Variants in CALN1 observed in about 807,000 individuals in gnomAD.
CALN1 encodes calcium-binding protein 8.
CALN1 carries 17 observed loss-of-function variants against 30.6 expected under a neutral mutation model. The ratio of observed to expected loss-of-function variants is 0.56; its 90% CI spans 0.38 to 0.83. The LOEUF is 0.83. Among genes scored for constraint, CALN1 ranks in the 40% least tolerant of loss-of-function variants. The pLI is 0.00. For missense variants in CALN1, 291 were observed against 354.9 expected, an observed-to-expected ratio of 0.82 and a Z score of 1.45; for synonymous variants, 156 against 131.4, an observed-to-expected ratio of 1.19 and a Z score of -1.28.
At chr7:72,126,334 T>C (rs1808763655) in intron 3 of CALN1, among the ~76,000 whole-genome samples, 1 of 152,208 alleles carries the variant, frequency 6.6e-6, no homozygotes. Flanking sequence ...TTAGGTTGGT[T>C]CCATAATTTT....
At chr7:72,420,252 C>G (rs1807562414) in intron 1 of CALN1, among the ~76,000 whole-genome samples, 1 of 152,094 alleles carries the variant, frequency 6.6e-6, no homozygotes, top group Non-Finnish European at 1.5e-5. Flanking sequence ...CAGAGGTAGC[C>G]AGACTCATAA....
intron 5 of CALN1, among the ~76,000 whole-genome samples, chr7:71,945,108 C>T (rs1171093915): frequency 6.6e-6 from 1 of 152,132 alleles, no homozygotes; most frequent in African/African-American, 2.4e-5. Flanking sequence ...CAAAGGAGAG[C>T]TGGCTGTTTA....
intron 3 of CALN1, among the ~76,000 whole-genome samples, chr7:72,191,177 C>G (rs1347940535): frequency 1.3e-5 from 2 of 152,112 alleles, no homozygotes; most frequent in Non-Finnish European, 2.9e-5. Flanking sequence ...GCTGGGAAGA[C>G]AAGAAGAATG....
At chr7:71,896,082 T>C (rs1793516436) in intron 5 of CALN1, among the ~76,000 whole-genome samples, 1 of 152,228 alleles carries the variant, frequency 6.6e-6, no homozygotes, top group Non-Finnish European at 1.5e-5. Flanking sequence ...AACTGAATTC[T>C]ACAAAGGGCA....
chr7:72,042,010 C>A (rs547473338), intron 4 of CALN1, among the ~76,000 whole-genome samples: 19 of 152,240 alleles, frequency 1.2e-4, no homozygotes, highest in African/African-American at 4.3e-4. Flanking sequence ...TTATTAGCAG[C>A]ATGAGAACAA....
chr7:72,341,674 T>A (rs1481309515), intron 2 of CALN1, among the ~76,000 whole-genome samples: 3 of 152,202 alleles, frequency 2.0e-5, no homozygotes, highest in Admixed American at 2.0e-4. Flanking sequence ...CCTGCCTGCG[T>A]AAATTTGGGC....
At chr7:72,317,475 A>G (rs78928669) in intron 2 of CALN1, among the ~76,000 whole-genome samples, 4,079 of 152,270 alleles carry the variant, frequency 0.027, 104 homozygotes, top group Non-Finnish European at 0.034. Flanking sequence ...TGGTACCACA[A>G]CTGTTCCCAC....
intron 3 of CALN1, among the ~76,000 whole-genome samples, chr7:72,234,370 T>C (rs1163767220): frequency 6.6e-6 from 1 of 152,154 alleles, no homozygotes; most frequent in Non-Finnish European, 1.5e-5. Context: ...TTAGTTAGGG[T>C]GGCCTCTGAC....
intron 2 of CALN1, among the ~76,000 whole-genome samples, chr7:72,401,660 C>T (rs1335547183): frequency 6.6e-6 from 1 of 152,178 alleles, no homozygotes; most frequent in East Asian, 1.9e-4. Context: ...CTGCCTAATT[C>T]ACGCTGCTCG....
intron 4 of CALN1, among the ~76,000 whole-genome samples, chr7:72,101,409 G>C (rs1026107106): frequency 3.3e-5 from 5 of 152,140 alleles, no homozygotes; most frequent in African/African-American, 1.2e-4. Flanking sequence ...GTGAGATCTT[G>C]CTGTAAAAGG....
chr7:72,314,710 CG>C (rs1800315542), intron 2 of CALN1, among the ~76,000 whole-genome samples: 1 of 151,486 alleles, frequency 6.6e-6, no homozygotes, highest in Non-Finnish European at 1.5e-5. Context: ...CCACCGTGCC[CG>C]GCCATATTTT....
chr7:71,954,671 C>G lies in CALN1; in HGVS notation c.501+68986G>C, dbSNP rs183086512. ...TGTCTCAAACATTAAAAAGAAGATA[C>G]GGATTGAGAATTGACTGTGGGATTT... On this transcript the variant is annotated intron_variant, in intron 5 of 6. Transcript: ENST00000395275. Among the ~76,000 whole-genome samples the G allele has an allele frequency of 1.7e-3, 255 of 152,084 alleles. 1 individual carries two copies. The highest frequency in any genetic ancestry group is 2.7e-3 in the Non-Finnish European group (183 of 67,984).
chr7:71,837,241 G>GAAAAAAAAAAAA (rs1789668654), intron 5 of CALN1, among the ~76,000 whole-genome samples: 1 of 2,884 alleles, frequency 3.5e-4, no homozygotes. Context: ...CAAAAAAAAA[G>GAAAAAAAAAAAA]ACAAAAAAAA....
In CALN1 at chr7:72,409,141, G is replaced by A. The variant is rs183348628; in HGVS notation, c.-74+2917C>T. Among the ~76,000 whole-genome samples the A allele has an allele frequency of 3.4e-4, 51 of 151,890 alleles. No individual in the cohort carries two copies. The East Asian group carries it at 8.9e-3, about 26-fold the overall frequency. ...CTCCCCAGTAGCTGGGATTACAGGC[G>A]CCCGCCACCGCTCCTGGCTAATTTT... On this transcript the variant is annotated intron_variant, in intron 1 of 6. Transcript: ENST00000395275.
At chr7:72,224,997 C>T (rs1020021209) in intron 3 of CALN1, among the ~76,000 whole-genome samples, 1 of 151,574 alleles carries the variant, frequency 6.6e-6, no homozygotes, top group Non-Finnish European at 1.5e-5. Context: ...ACTTGGGAGG[C>T]TGAGGCAGGA....
intron 5 of CALN1, among the ~76,000 whole-genome samples, chr7:71,848,606 C>T (rs1001501313): frequency 6.6e-6 from 1 of 152,030 alleles, no homozygotes; most frequent in East Asian, 1.9e-4. Flanking sequence ...GTTTTGTGTT[C>T]TCAATGAAAC....
intron 5 of CALN1, among the ~76,000 whole-genome samples, chr7:72,010,283 C>T (rs1217803563): frequency 6.6e-6 from 1 of 152,058 alleles, no homozygotes; most frequent in Non-Finnish European, 1.5e-5. Flanking sequence ...TAAAAGGACC[C>T]AAGGAAATCA....
In CALN1 at chr7:72,350,809, T is replaced by A. The variant is rs183771589; in HGVS notation, c.119+52442A>T. ...GTTAAAAAAAAATAAATAAAAAAAA[T>A]ACTGAGAATTTCCTAATCAGCAAAA... On this transcript the variant is annotated intron_variant, in intron 2 of 6. Coordinates refer to ENST00000395275, the MANE Select transcript of CALN1 (RefSeq NM_031468.4). Among the ~76,000 whole-genome samples, 412 of 152,114 alleles carry A rather than the reference T, an allele frequency of 2.7e-3. 4 individuals are homozygous for A. Among genetic ancestry groups the A allele is most frequent in the Admixed American group, 0.025 (375 of 15,278 alleles).
chr7:72,365,870 G>A (rs973119809), intron 2 of CALN1, among the ~76,000 whole-genome samples: 4 of 152,106 alleles, frequency 2.6e-5, no homozygotes, highest in Non-Finnish European at 2.9e-5. Context: ...GTACCCTCTC[G>A]CCCAGTTGGT....
Sources: allele counts gnomAD v4.1 joint callset (sites outside exome capture counted in the v4.1 genomes callset), GRCh38; gene constraint gnomAD v4.1.1; transcripts MANE v1.5; gene names NCBI Gene and HGNC (gene_info 2026-07-23, HGNC 2026-07-21).